LRMDA: variants seen among roughly 807,000 people sequenced by gnomAD.
LRMDA encodes leucine-rich melanocyte differentiation-associated protein.
LRMDA carries 18 observed loss-of-function variants against 29.8 expected under a neutral mutation model. The observed-to-expected ratio is 0.60, with a 90% CI of 0.42 to 0.90. The LOEUF (loss-of-function observed/expected upper bound fraction) is 0.90. Among genes scored for constraint, LRMDA ranks in the 40% least tolerant of loss-of-function variants. LRMDA has a pLI of 0.00. For missense variants in LRMDA, 273 were observed against 273.9 expected, an observed-to-expected ratio of 1.00 and a Z score of 0.02; for synonymous variants, 125 against 109.4, an observed-to-expected ratio of 1.14 and a Z score of -0.89.
chr10:75,940,332 G>A (rs1260805581), intron 2 of LRMDA, among the ~76,000 whole-genome samples: 1 of 152,066 alleles, frequency 6.6e-6, no homozygotes, highest in Non-Finnish European at 1.5e-5. Flanking sequence ...TACACACCTG[G>A]CATCTGGAGC....
At chr10:75,797,985 A>G (rs1843682086) in intron 2 of LRMDA, among the ~76,000 whole-genome samples, 1 of 152,148 alleles carries the variant, frequency 6.6e-6, no homozygotes, top group Admixed American at 6.5e-5. Context: ...TTTGTTAGTG[A>G]GTATATATTT....
chr10:76,315,032 T>C (rs943180120), intron 5 of LRMDA, among the ~76,000 whole-genome samples: 3 of 152,222 alleles, frequency 2.0e-5, no homozygotes, highest in African/African-American at 7.2e-5. Flanking sequence ...CCTTTGAACA[T>C]CAAGTTCATT....
At chr10:76,247,387 C>A (rs915002107) in intron 5 of LRMDA, among the ~76,000 whole-genome samples, 3 of 152,106 alleles carry the variant, frequency 2.0e-5, no homozygotes, top group African/African-American at 4.8e-5. Flanking sequence ...AACCATGAAA[C>A]CCTATGGAGT....
intron 2 of LRMDA, among the ~76,000 whole-genome samples, chr10:76,030,642 A>T (rs555718992): frequency 6.6e-6 from 1 of 152,294 alleles, no homozygotes; most frequent in South Asian, 2.1e-4. Flanking sequence ...TACAAAAATT[A>T]GCTGGGCGTG....
intron 6 of LRMDA, among the ~76,000 whole-genome samples, chr10:76,516,739 T>C (rs1843065614): frequency 6.6e-6 from 1 of 152,214 alleles, no homozygotes; most frequent in Admixed American, 6.5e-5. Flanking sequence ...ATCCAGTCTA[T>C]CGTTGTTGGA....
chr10:75,790,463 T>A (rs573487982), intron 2 of LRMDA, among the ~76,000 whole-genome samples: 1 of 152,332 alleles, frequency 6.6e-6, no homozygotes, highest in East Asian at 1.9e-4. Context: ...GAGGTGGGAT[T>A]CCAAGAAGCT....
intron 5 of LRMDA, among the ~76,000 whole-genome samples, chr10:76,182,516 A>G (rs1485531809): frequency 3.3e-5 from 5 of 152,168 alleles, no homozygotes; most frequent in Non-Finnish European, 7.4e-5. Context: ...TAGCTGGACC[A>G]TCATTGCCGG....
chr10:75,604,950 G>T (rs1008688439), intron 2 of LRMDA, among the ~76,000 whole-genome samples: 1 of 152,162 alleles, frequency 6.6e-6, no homozygotes, highest in East Asian at 1.9e-4. Context: ...ACCGCAGTCT[G>T]TGTATGCCCC....
chr10:75,572,672 G>T (rs1209616187), intron 2 of LRMDA, among the ~76,000 whole-genome samples: 2 of 152,194 alleles, frequency 1.3e-5, no homozygotes, highest in African/African-American at 2.4e-5. Flanking sequence ...TAGTTTAGCT[G>T]GGTATAGAAT....
At chr10:75,919,326 T>C (rs1845989772) in intron 2 of LRMDA, among the ~76,000 whole-genome samples, 1 of 152,212 alleles carries the variant, frequency 6.6e-6, no homozygotes, top group African/African-American at 2.4e-5. Flanking sequence ...TCAAGATTCA[T>C]TTACTCAGCT....
intron 2 of LRMDA, among the ~76,000 whole-genome samples, chr10:75,687,042 A>G (rs756554629): frequency 2.6e-5 from 4 of 152,138 alleles, no homozygotes; most frequent in East Asian, 1.9e-4. Context: ...TCCACCAACC[A>G]CCCATTCTCC....
At chr10:75,840,291 TA>T (rs1844516609) in intron 2 of LRMDA, among the ~76,000 whole-genome samples, 1 of 152,318 alleles carries the variant, frequency 6.6e-6, no homozygotes, top group African/African-American at 2.4e-5. Flanking sequence ...CTCTCTTTTT[TA>T]ACCTCATTTC....
chr10:75,455,626 A>G (rs1564775543), intron 2 of LRMDA, among the ~76,000 whole-genome samples: 1 of 152,210 alleles, frequency 6.6e-6, no homozygotes, highest in Non-Finnish European at 1.5e-5. Context: ...GTTCCCAGCC[A>G]GCCCAGCAAA....
chr10:76,040,388 T>C (rs1848320742), intron 3 of LRMDA, among the ~76,000 whole-genome samples: 1 of 152,168 alleles, frequency 6.6e-6, no homozygotes, highest in South Asian at 2.1e-4. Flanking sequence ...CCACCAGCCC[T>C]TTTTCTCATT....
rs144347728 is a variant in LRMDA, at chr10:75,638,504, T to G, written c.131+200010T>G. 1.2e-3 allele frequency among the ~76,000 whole-genome samples: 187 copies of G among 152,324 alleles called. 3 individuals carry two copies. The East Asian group carries it at 0.013, about 11-fold the overall frequency. On this transcript the variant is annotated intron_variant, in intron 2 of 6. Transcript: ENST00000611255. ...TGGAAAATTTGTTACTTTTTCCCCT[T>G]TCTCTGTCTCCTTTCTTTCTTCTCT...
At chr10:75,630,162 C>A (rs1841304574) in intron 2 of LRMDA, among the ~76,000 whole-genome samples, 2 of 152,150 alleles carry the variant, frequency 1.3e-5, no homozygotes, top group Non-Finnish European at 2.9e-5. Flanking sequence ...TTGGCAGACC[C>A]ACGGCCCTCC....
At chr10:76,411,755 G>A (rs1426280185) in intron 6 of LRMDA, among the ~76,000 whole-genome samples, 3 of 152,238 alleles carry the variant, frequency 2.0e-5, no homozygotes, top group Non-Finnish European at 4.4e-5. Flanking sequence ...CCTGACAGGG[G>A]GCACAGTCTC....
chr10:75,846,713 C>A (rs1172169847), intron 2 of LRMDA, among the ~76,000 whole-genome samples: 1 of 151,852 alleles, frequency 6.6e-6, no homozygotes, highest in Non-Finnish European at 1.5e-5. Flanking sequence ...GAAATGATAC[C>A]AAAAACAAAC....
At chr10:76,456,653 T>TAAAAAAAAAAAAAAAAAAAA in intron 6 of LRMDA, among the ~76,000 whole-genome samples, 1 of 127,416 alleles carries the variant, frequency 7.8e-6, no homozygotes, top group Non-Finnish European at 1.7e-5. Flanking sequence ...GCACTCTTAT[T>TAAAAAAAAAAAAAAAAAAAA]AAAAAAAAAA....
Sources: allele counts gnomAD v4.1 joint callset (sites outside exome capture counted in the v4.1 genomes callset), GRCh38; gene constraint gnomAD v4.1.1; transcripts MANE v1.5; gene names NCBI Gene and HGNC (gene_info 2026-07-23, HGNC 2026-07-21).